The following RIMS2 variants were observed in gnomAD, a reference collection of about 807,000 sequenced individuals.
The protein encoded by RIMS2 is regulating synaptic membrane exocytosis protein 2.
Under a neutral mutation model 174.4 loss-of-function variants are expected in RIMS2, and 59 were observed. That is an observed-to-expected ratio of 0.34 (90% CI 0.27 to 0.42). The LOEUF (loss-of-function observed/expected upper bound fraction) is 0.42, where lower values mean the gene tolerates loss of function less well. Among genes scored for constraint, RIMS2 ranks in the 10% least tolerant of loss-of-function variants. RIMS2 has a pLI of 1.00. For synonymous variants in RIMS2, 606 were observed against 572.5 expected (o/e 1.06, Z -0.84); for missense variants, 1,620 against 1,666.3 (o/e 0.97, Z 0.48).
rs187239507 is a variant in RIMS2, at chr8:104,103,147, G to A, written c.3334+88532G>A. ...AGAAAGGCACAAAAGGCCATATATT[G>A]TATTATTTCATTTATATGAAATGTC... On this transcript the variant is annotated intron_variant, in intron 19 of 23. Transcript: ENST00000504942. Among the ~76,000 whole-genome samples the A allele has an allele frequency of 3.0e-4, 46 of 152,068 alleles. 1 individual carries two copies. In the East Asian group the frequency reaches 8.1e-3, roughly 27 times the overall value.
At chr8:104,163,683 TA>T (rs1319877329) in intron 19 of RIMS2, among the ~76,000 whole-genome samples, 1 of 152,214 alleles carries the variant, frequency 6.6e-6, no homozygotes, top group African/African-American at 2.4e-5. Flanking sequence ...GTATTTCTCT[TA>T]GGCATTAAAG....
At chr8:103,848,685 A>G (rs1246972816) in intron 3 of RIMS2, among the ~76,000 whole-genome samples, 1 of 151,960 alleles carries the variant, frequency 6.6e-6, no homozygotes, top group African/African-American at 2.4e-5. Flanking sequence ...TACCACAGAT[A>G]TCTCTAGTAC....
At chr8:104,130,914 A>G (rs187381769) in intron 19 of RIMS2, among the ~76,000 whole-genome samples, 1 of 152,300 alleles carries the variant, frequency 6.6e-6, no homozygotes, top group East Asian at 1.9e-4. Flanking sequence ...AACTACATAT[A>G]GTGATGTATT....
intron 1 of RIMS2, among the ~76,000 whole-genome samples, chr8:103,607,560 C>G: frequency 6.8e-6 from 1 of 147,924 alleles, no homozygotes; most frequent in Middle Eastern, 3.4e-3. Context: ...CTTGCTAGAT[C>G]GGGGAAATTC....
intron 1 of RIMS2, among the ~76,000 whole-genome samples, chr8:103,658,816 G>T (rs2096562388): frequency 2.6e-5 from 4 of 152,122 alleles, no homozygotes. Flanking sequence ...TGCTTAGAAG[G>T]ATGTTTTGGA....
At chr8:103,600,160 C>T (rs143342358) in intron 1 of RIMS2, among the ~76,000 whole-genome samples, 2,021 of 152,196 alleles carry the variant, frequency 0.013, 24 homozygotes, top group Non-Finnish European at 0.02. Context: ...TTTGTCTTTC[C>T]GTGCCTGTCT....
intron 19 of RIMS2, among the ~76,000 whole-genome samples, chr8:104,089,510 C>A (rs2097596253): frequency 1.3e-5 from 2 of 151,754 alleles, no homozygotes; most frequent in African/African-American, 4.8e-5. Flanking sequence ...AAAATGTATT[C>A]TTCTGAAATT....
chr8:104,002,758 C>T (rs148048468), intron 17 of RIMS2, among the ~76,000 whole-genome samples: 3 of 152,262 alleles, frequency 2.0e-5, no homozygotes, highest in African/African-American at 7.2e-5. Flanking sequence ...GCTGGGCTTT[C>T]ACTGGTCTCT....
At chr8:104,208,819 G>A (rs1587438931) in intron 19 of RIMS2, among the ~76,000 whole-genome samples, 1 of 152,188 alleles carries the variant, frequency 6.6e-6, no homozygotes. Context: ...TTACAGGCGT[G>A]AGCCACCACG....
chr8:104,158,989 G>A (rs951248107), intron 19 of RIMS2, among the ~76,000 whole-genome samples: 25 of 152,086 alleles, frequency 1.6e-4, no homozygotes, highest in Admixed American at 1.6e-3. Context: ...ATCCTGAATG[G>A]TATTGCCTAG....
At chr8:103,668,283 T>C (rs1221544375) in intron 1 of RIMS2, among the ~76,000 whole-genome samples, 1 of 152,246 alleles carries the variant, frequency 6.6e-6, no homozygotes, top group Non-Finnish European at 1.5e-5. Flanking sequence ...AATACCTTAT[T>C]TATTTTACTT....
At chr8:103,984,029 G>C (rs1408514505) in intron 16 of RIMS2, among the ~76,000 whole-genome samples, 2 of 151,936 alleles carry the variant, frequency 1.3e-5, no homozygotes, top group Non-Finnish European at 2.9e-5. Flanking sequence ...AAAAAAAATA[G>C]CAGGCGTGGT....
intron 19 of RIMS2, among the ~76,000 whole-genome samples, chr8:104,024,701 A>G (rs946937390): frequency 3.9e-5 from 6 of 152,230 alleles, no homozygotes; most frequent in Non-Finnish European, 7.3e-5. Context: ...GGGAAAAAAT[A>G]ATATAATGAT....
chr8:104,207,487 T>C (rs2099085820), intron 19 of RIMS2, among the ~76,000 whole-genome samples: 1 of 152,182 alleles, frequency 6.6e-6, no homozygotes, highest in African/African-American at 2.4e-5. Flanking sequence ...GGATGAAATA[T>C]ACTTGTGCAT....
At chr8:103,581,476 A>T (rs2093616103) in intron 1 of RIMS2, among the ~76,000 whole-genome samples, 2 of 152,210 alleles carry the variant, frequency 1.3e-5, no homozygotes, top group African/African-American at 4.8e-5. Context: ...AACATAACTC[A>T]AAATAATAAA....
intron 3 of RIMS2, among the ~76,000 whole-genome samples, chr8:103,844,903 A>G (rs2154489374): frequency 6.6e-6 from 1 of 152,176 alleles, no homozygotes; most frequent in Middle Eastern, 3.4e-3. Flanking sequence ...TAAAGAGAAT[A>G]TTACTTTATT....
At chr8:103,976,109 T>C (rs979058951) in intron 16 of RIMS2, 2 of 152,250 alleles carry the variant, frequency 1.3e-5, no homozygotes, top group Non-Finnish European at 2.9e-5. Flanking sequence ...TGACACGTAA[T>C]GTTAATCATC....
chr8:104,141,381 A>C (rs1413475340), intron 19 of RIMS2, among the ~76,000 whole-genome samples: 1 of 152,202 alleles, frequency 6.6e-6, no homozygotes, highest in Non-Finnish European at 1.5e-5. Context: ...TTTTGTGTTC[A>C]GTTAATAAAG....
At chr8:103,773,124 G>A (rs2098271844) in intron 3 of RIMS2, among the ~76,000 whole-genome samples, 1 of 151,278 alleles carries the variant, frequency 6.6e-6, no homozygotes. Flanking sequence ...GACACAGAAA[G>A]CACTAATTCT....
Sources: allele counts gnomAD v4.1 joint callset (sites outside exome capture counted in the v4.1 genomes callset), GRCh38; gene constraint gnomAD v4.1.1; transcripts MANE v1.5; gene names NCBI Gene and HGNC (gene_info 2026-07-23, HGNC 2026-07-21).